Variants in CFH observed in about 807,000 individuals in gnomAD.
CFH encodes H factor 1 (complement).
A neutral mutation model predicts 147.3 loss-of-function variants in CFH; 53 were observed. The ratio of observed to expected loss-of-function variants is 0.36; its 90% CI spans 0.29 to 0.45. The LOEUF is 0.45. CFH is among the 20% of genes least tolerant of loss of function. The pLI is 1.00. For missense variants in CFH, 1,380 were observed against 1,498.0 expected (o/e 0.92, Z 1.30); for synonymous variants, 536 against 489.4 (o/e 1.10, Z -1.26).
At chr1:196,738,325 A>G (rs1174138666) in intron 17 of CFH, among the ~76,000 whole-genome samples, 2 of 152,188 alleles carry the variant, frequency 1.3e-5, no homozygotes, top group African/African-American at 4.8e-5. Flanking sequence ...TGCCTTCCCA[A>G]CAGTCCTCCA....
chr1:196,739,334 T>G (rs186692502), intron 17 of CFH, among the ~76,000 whole-genome samples: 12 of 152,338 alleles, frequency 7.9e-5, no homozygotes, highest in Admixed American at 7.2e-4. Flanking sequence ...AAGTTTTATT[T>G]TCTATTGCAT....
In CFH at chr1:196,743,554, G is replaced by A. The variant is rs777537518; in HGVS notation, c.3236G>A (p.Ser1079Asn). Residue 1079 changes from serine to asparagine, a missense_variant, in exon 20 of 22, where the codon AGC becomes AAC. This residue lies in a region of CFH where 830 missense variants were observed against 821.4 expected (regional missense o/e 1.01). Coordinates refer to ENST00000367429, the MANE Select transcript of CFH (RefSeq NM_000186.4). The stretch of plus-strand genomic sequence containing the variant: ...GAGAGAGTACGTTATCAATGTAGGA[G>A]CCCTTATGAAATGTTTGGGGATGAA... ...SGERVRYQCR[S>N]PYEMFGDEEV... 2 of 1,614,076 alleles carry A rather than the reference G, an allele frequency of 1.2e-6. No individual in the cohort carries two copies. The highest frequency in any genetic ancestry group is 2.2e-5 in the East Asian group (1 of 44,846).
Position 196,728,769 on chromosome 1 carries a change from C to T in CFH, c.2413+247C>T, listed in dbSNP as rs150910598. ...CACACACACACACACATAAACCAGG[C>T]ACTACATGTCATCATTACTGTTGGA... is the stretch of plus-strand genomic sequence containing the variant. On this transcript the variant is annotated intron_variant, in intron 15 of 21. Coordinates refer to ENST00000367429, the MANE Select transcript of CFH (RefSeq NM_000186.4). 5.1e-3 allele frequency among the ~76,000 whole-genome samples: 778 copies of T among 151,460 alleles called. 8 individuals are homozygous for T. Among genetic ancestry groups the T allele is most frequent in the African/African-American group, 0.018 (747 of 41,348 alleles).
At chr1:196,693,955 G>GGTGTGTGTGTGT (rs71567586) in intron 9 of CFH, among the ~76,000 whole-genome samples, 1,817 of 142,714 alleles carry the variant, frequency 0.013, 26 homozygotes, top group African/African-American at 0.03. Context: ...TTAGATAAAT[G>GGTGTGTGTGTGT]GTGTGTGTGT....
chr1:196,654,936 GA>G (rs1666634606), intron 1 of CFH, among the ~76,000 whole-genome samples: 1 of 152,054 alleles, frequency 6.6e-6, no homozygotes, highest in African/African-American at 2.4e-5. Flanking sequence ...TATTTTCAGA[GA>G]TAGTAGTATG....
chr1:196,674,566 G>C (rs1332637669), intron 3 of CFH, among the ~76,000 whole-genome samples: 1 of 150,432 alleles, frequency 6.6e-6, no homozygotes, highest in Non-Finnish European at 1.5e-5. Flanking sequence ...CTTATTCTCT[G>C]CTAGATGAAA....
intron 1 of CFH, among the ~76,000 whole-genome samples, chr1:196,662,230 A>G (rs142202154): frequency 6.6e-6 from 1 of 152,388 alleles, no homozygotes; most frequent in African/African-American, 2.4e-5. Flanking sequence ...GACTTAAGCA[A>G]GATGACTTAT....
rs189411907 is a variant in CFH, at chr1:196,677,578, T to C, written c.530T>C (p.Val177Ala). 29 of 1,613,380 alleles carry C rather than the reference T, an allele frequency of 1.8e-5. No homozygotes were observed. The African/African-American group carries it at 3.2e-4, about 18-fold the overall frequency. The change falls in exon 5 of 22, where the codon GTA becomes GCA. Residue 177 changes from valine (V) to alanine (A), a missense_variant. Physicochemically the swap from Val to Ala is moderately conservative, Grantham distance 64. Transcript: ENST00000367429. ...EYHFGQAVRF[V>A]CNSGYKIEGD... ...CATTTTGGACAAGCAGTACGGTTTG[T>C]ATGTAACTCAGGCTACAAGATTGAA... is the stretch of plus-strand genomic sequence containing the variant.
At position 196,725,190 on chromosome 1, in the gene CFH, T is replaced by C. The variant is rs1669106972; in HGVS notation, c.1766T>C (p.Val589Ala). The change falls in exon 12 of 22, where the codon GTT becomes GCT. Residue 589 changes from valine to alanine, a missense_variant. Around this residue, in one of 4 missense-constraint regions of CFH, gnomAD observed 830 missense variants for 821.4 expected, o/e 1.01. Transcript: ENST00000367429. ...GATCGCAAGAAAGACCAGTATAAAG[T>C]TGGAGAGGTGTTGAAATTCTCCTGC... ...VPDRKKDQYKVGEVLKFSCKP... is the reference protein window; with the variant it reads ...VPDRKKDQYKAGEVLKFSCKP... 1 of 1,613,718 alleles carries C rather than the reference T, an allele frequency of 6.2e-7. No individual in the cohort carries two copies. The highest frequency in any genetic ancestry group is 1.3e-5 in the African/African-American group (1 of 74,926).
intron 3 of CFH, among the ~76,000 whole-genome samples, chr1:196,674,331 C>T (rs1667384638): frequency 6.6e-6 from 1 of 152,134 alleles, no homozygotes; most frequent in Admixed American, 6.6e-5. Context: ...TGTATGGTAA[C>T]TGTTTTGACA....
intron 11 of CFH, among the ~76,000 whole-genome samples, chr1:196,717,054 G>C (rs1451754513): frequency 6.6e-6 from 1 of 151,930 alleles, no homozygotes; most frequent in Admixed American, 6.6e-5. Context: ...AAGAGCAATA[G>C]ATAGTAAAGA....
At chr1:196,712,433 C>G (rs1403607129) in intron 9 of CFH, among the ~76,000 whole-genome samples, 1 of 151,362 alleles carries the variant, frequency 6.6e-6, no homozygotes, top group Non-Finnish European at 1.5e-5. Context: ...AAATTTCCCT[C>G]TGAGGATTGT....
intron 9 of CFH, among the ~76,000 whole-genome samples, chr1:196,707,475 GA>G: frequency 6.6e-6 from 1 of 152,278 alleles, no homozygotes; most frequent in Admixed American, 6.5e-5. Flanking sequence ...ATCCAACCCA[GA>G]GACTGGGTTC....
intron 11 of CFH, among the ~76,000 whole-genome samples, chr1:196,720,619 TC>T (rs1668976251): frequency 1.3e-5 from 2 of 152,096 alleles, no homozygotes; most frequent in South Asian, 4.1e-4. Flanking sequence ...ATGATTTTAT[TC>T]TTTTTTTTTC....
intron 1 of CFH, among the ~76,000 whole-genome samples, chr1:196,661,132 A>C (rs150701421): frequency 1.6e-4 from 25 of 152,332 alleles, no homozygotes; most frequent in African/African-American, 6.0e-4. Flanking sequence ...GTGGAGTAGA[A>C]TATGTTTACT....
At chr1:196,692,778 CTTT>C (rs1558163675) in intron 9 of CFH, among the ~76,000 whole-genome samples, 13 of 91,818 alleles carry the variant, frequency 1.4e-4, no homozygotes, top group African/African-American at 5.3e-4. Context: ...TTCTTTCTTT[CTTT>C]CTTTCTTTCT....
intron 1 of CFH, among the ~76,000 whole-genome samples, chr1:196,668,579 G>A (rs923742991): frequency 1.6e-4 from 24 of 152,252 alleles, no homozygotes; most frequent in Non-Finnish European, 3.2e-4. Context: ...GATCATGGGG[G>A]TTGTTTGTCC....
chr1:196,675,260 A>G (rs972976544), intron 3 of CFH, among the ~76,000 whole-genome samples: 1 of 152,140 alleles, frequency 6.6e-6, no homozygotes, highest in African/African-American at 2.4e-5. Context: ...CATTTTTTAG[A>G]TTCAAAGGGC....
chr1:196,694,522 T>A (rs769221763), intron 9 of CFH, among the ~76,000 whole-genome samples: 1 of 152,242 alleles, frequency 6.6e-6, no homozygotes, highest in Admixed American at 6.5e-5. Flanking sequence ...ATATACCCAG[T>A]AATGGGATTG....
Sources: gnomAD v4.1 joint callset for allele counts (sites outside exome capture counted in the v4.1 genomes callset) on GRCh38, gnomAD v4.1.1 for gene constraint, gnomAD v4.1.1 regional missense constraint, MANE v1.5 for transcripts, NCBI Gene and HGNC (gene_info 2026-07-23, HGNC 2026-07-21) for gene names.